DEPTOR: variants seen among roughly 807,000 people sequenced by gnomAD.
DEPTOR encodes the protein DEP domain-containing mTOR-interacting protein.
In DEPTOR, 41 loss-of-function variants were observed where a neutral mutation model predicts 41.6. The observed-to-expected ratio is 0.98, with a 90% CI of 0.77 to 1.28. The LOEUF is 1.28. DEPTOR is among the 50% of genes most tolerant of loss of function. The pLI is 0.00. For synonymous variants in DEPTOR, 195 were observed against 192.3 expected, an observed-to-expected ratio of 1.01 and a Z score of -0.12; for missense variants, 514 against 527.9, an observed-to-expected ratio of 0.97 and a Z score of 0.26.
chr8:119,896,955 G>A (rs1262089570), intron 1 of DEPTOR, among the ~76,000 whole-genome samples: 1 of 152,070 alleles, frequency 6.6e-6, no homozygotes, highest in African/African-American at 2.4e-5. Context: ...AAAAACTTGG[G>A]TTGGTTGCAT....
intron 8 of DEPTOR, among the ~76,000 whole-genome samples, chr8:120,022,149 C>G (rs1369837050): frequency 2.7e-5 from 2 of 75,354 alleles, no homozygotes; most frequent in Non-Finnish European, 6.0e-5. Flanking sequence ...CAGAGCGAGA[C>G]CCCATCTTAA....
chr8:119,964,255 G>A (rs112391909), intron 3 of DEPTOR, among the ~76,000 whole-genome samples: 11 of 152,210 alleles, frequency 7.2e-5, no homozygotes, highest in African/African-American at 2.4e-4. Context: ...GGTGGCTCAC[G>A]CTGGTAATCT....
intron 4 of DEPTOR, among the ~76,000 whole-genome samples, chr8:119,979,087 G>C (rs116169142): frequency 0.031 from 4,763 of 152,064 alleles, 68 homozygotes; most frequent in Non-Finnish European, 0.036. Context: ...ACCACGGAAC[G>C]GTATGAAGAT....
chr8:119,993,295 C>T (rs757910125), intron 4 of DEPTOR, among the ~76,000 whole-genome samples: 2 of 152,112 alleles, frequency 1.3e-5, no homozygotes, highest in Non-Finnish European at 2.9e-5. Context: ...TTCTAAAGTT[C>T]CAACTTTCCT....
intron 3 of DEPTOR, among the ~76,000 whole-genome samples, chr8:119,951,308 G>A (rs960141488): frequency 1.3e-5 from 2 of 152,120 alleles, no homozygotes; most frequent in Non-Finnish European, 2.9e-5. Flanking sequence ...ACATTTGTTT[G>A]AAAAGGCTCA....
At chr8:120,029,374 G>A (rs1812850212) in intron 8 of DEPTOR, among the ~76,000 whole-genome samples, 1 of 152,068 alleles carries the variant, frequency 6.6e-6, no homozygotes, top group Non-Finnish European at 1.5e-5. Flanking sequence ...TATGCTTTGA[G>A]TCTTGAGTTT....
At chr8:119,886,779 A>G (rs1023008662) in intron 1 of DEPTOR, among the ~76,000 whole-genome samples, 4 of 152,188 alleles carry the variant, frequency 2.6e-5, no homozygotes, top group African/African-American at 9.7e-5. Context: ...ACACTGTGAT[A>G]GTAATCCTTA....
At chr8:119,980,460 TTTCTTTTCTTTTCTTTTC>T (rs1157705843) in intron 4 of DEPTOR, among the ~76,000 whole-genome samples, 2 of 39,434 alleles carry the variant, frequency 5.1e-5, no homozygotes, top group East Asian at 1.2e-3. Context: ...TCTTTTTTCT[TTTCTTTTCTTTTCTTTTC>T]TTTTCTTTTC....
chr8:119,920,242 C>T (rs1827872371), intron 1 of DEPTOR, among the ~76,000 whole-genome samples: 1 of 152,202 alleles, frequency 6.6e-6, no homozygotes, highest in Admixed American at 6.5e-5. Context: ...ATGCTGAATA[C>T]ATAATATGCA....
At chr8:119,972,531 G>A (rs1205152611) in intron 4 of DEPTOR, among the ~76,000 whole-genome samples, 3 of 151,372 alleles carry the variant, frequency 2.0e-5, no homozygotes, top group Admixed American at 6.6e-5. Context: ...GCTGAGGCAG[G>A]AAAATTGCTG....
chr8:119,943,206 C>T (rs562524234), intron 3 of DEPTOR, among the ~76,000 whole-genome samples: 5 of 152,264 alleles, frequency 3.3e-5, no homozygotes, highest in African/African-American at 7.2e-5. Flanking sequence ...TTGGGGTGAG[C>T]GTATTTATTC....
intron 4 of DEPTOR, 42 bp downstream of exon 4, chr8:119,965,452 A>C (rs780193053): frequency 1.3e-6 from 2 of 1,594,986 alleles, no homozygotes; most frequent in South Asian, 1.1e-5. Flanking sequence ...ACAAACAGCC[A>C]GCCCCAAATC....
intron 3 of DEPTOR, among the ~76,000 whole-genome samples, chr8:119,961,686 T>A (rs111869661): frequency 4.6e-5 from 7 of 152,308 alleles, no homozygotes; most frequent in African/African-American, 1.7e-4. Context: ...CAGTTCCATT[T>A]TTCTCATTTG....
At chr8:119,998,897 TG>T (rs1184872573) in intron 4 of DEPTOR, among the ~76,000 whole-genome samples, 5 of 150,832 alleles carry the variant, frequency 3.3e-5, no homozygotes, top group Non-Finnish European at 7.4e-5. Context: ...ATGTCTTCTT[TG>T]GGTGACTTCC....
rs989268256 is a variant in DEPTOR at position 120,050,432 on chromosome 8, A to G, written c.*728A>G. On this transcript the variant is annotated 3_prime_UTR_variant, in exon 9 of 9. Coordinates refer to ENST00000286234, the MANE Select transcript of DEPTOR (RefSeq NM_022783.4). The stretch of plus-strand genomic sequence containing the variant: ...TTTTGTTTTATAAATCAGCTATAGC[A>G]TCTTTCTAGAATTAATCCTGAATAT... 5.9e-5 allele frequency: 9 copies of G among 152,160 alleles called. No individual in the cohort carries two copies. The highest frequency in any genetic ancestry group is 1.0e-4 in the Non-Finnish European group (7 of 68,044). The allele number at this position is 152,160 out of a possible 1,614,324, so 9.4% of individuals were successfully genotyped here.
chr8:119,960,012 G>A (rs1489290907), intron 3 of DEPTOR, among the ~76,000 whole-genome samples: 4 of 151,928 alleles, frequency 2.6e-5, no homozygotes, highest in East Asian at 2.0e-4. Flanking sequence ...GGCAGATCAC[G>A]AGGTCAGAAG....
At chr8:119,918,974 T>G (rs1368397141) in intron 1 of DEPTOR, among the ~76,000 whole-genome samples, 1 of 151,318 alleles carries the variant, frequency 6.6e-6, no homozygotes, top group Non-Finnish European at 1.5e-5. Flanking sequence ...TGTATGTGTA[T>G]GTGTGTGTGT....
chr8:120,005,601 C>G (rs1812424478), intron 6 of DEPTOR, among the ~76,000 whole-genome samples: 1 of 152,132 alleles, frequency 6.6e-6, no homozygotes, highest in Admixed American at 6.5e-5. Flanking sequence ...CAGGTTAGGC[C>G]CCTTGGCTGG....
chr8:120,037,686 G>GT (rs1812999516), intron 8 of DEPTOR, among the ~76,000 whole-genome samples: 1 of 152,174 alleles, frequency 6.6e-6, no homozygotes, highest in Non-Finnish European at 1.5e-5. Flanking sequence ...AACAGGGGGA[G>GT]AGAACTTCCT....
Sources: gnomAD v4.1 joint callset for allele counts (sites outside exome capture counted in the v4.1 genomes callset) on GRCh38, gnomAD v4.1.1 for gene constraint, MANE v1.5 for transcripts, NCBI Gene and HGNC (gene_info 2026-07-23, HGNC 2026-07-21) for gene names.